Variants in SLC4A4 observed in about 807,000 individuals in gnomAD.
The protein encoded by SLC4A4 is electrogenic sodium bicarbonate cotransporter 1.
In SLC4A4, 27 loss-of-function variants were observed where a neutral mutation model predicts 111.5. The observed-to-expected ratio is 0.24, with a 90% CI of 0.18 to 0.33. The LOEUF is 0.33. SLC4A4 is among the 10% of genes least tolerant of loss of function. SLC4A4 has a pLI of 1.00. For synonymous variants in SLC4A4, 443 were observed against 463.4 expected (o/e 0.96, Z 0.57); for missense variants, 909 against 1,315.5 (o/e 0.69, Z 4.78).
intron 2 of SLC4A4, among the ~76,000 whole-genome samples, chr4:71,162,690 T>A (rs1744644042): frequency 6.6e-6 from 1 of 152,182 alleles, no homozygotes; most frequent in Non-Finnish European, 1.5e-5. Flanking sequence ...AAGAACATTT[T>A]ATCTTTGTGT....
At chr4:71,453,407 G>A in intron 11 of SLC4A4, 88 bp from the exon 12 acceptor site, 16 of 1,259,296 alleles carry the variant, frequency 1.3e-5, no homozygotes, top group Non-Finnish European at 1.9e-5. Flanking sequence ...TTTTAAATAT[G>A]TTGTGTTTGA....
At chr4:71,375,618 A>G (rs1190670795) in intron 6 of SLC4A4, among the ~76,000 whole-genome samples, 1 of 152,132 alleles carries the variant, frequency 6.6e-6, no homozygotes, top group Non-Finnish European at 1.5e-5. Context: ...TTGCACTATA[A>G]TGTATGAGTA....
At chr4:71,122,313 CAAAAAAAAAAA>C (rs10611413) in intron 2 of SLC4A4, among the ~76,000 whole-genome samples, 3 of 117,368 alleles carry the variant, frequency 2.6e-5, no homozygotes, top group African/African-American at 1.0e-4. Context: ...GACTCTGTCT[CAAAAAAAAAAA>C]AAAAAAAAAA....
At chr4:71,158,407 C>A (rs753052494) in intron 2 of SLC4A4, among the ~76,000 whole-genome samples, 10 of 152,206 alleles carry the variant, frequency 6.6e-5, no homozygotes, top group Middle Eastern at 6.8e-3. Flanking sequence ...CACCACTGAT[C>A]CTCTGCTCCC....
At chr4:71,197,427 A>T (rs1746058032) in intron 1 of SLC4A4, among the ~76,000 whole-genome samples, 1 of 152,200 alleles carries the variant, frequency 6.6e-6, no homozygotes, top group Admixed American at 6.5e-5. Context: ...ATATGACTGT[A>T]TTTGATCTGT....
chr4:71,511,333 C>T (rs1440331708), intron 16 of SLC4A4, among the ~76,000 whole-genome samples: 1 of 152,056 alleles, frequency 6.6e-6, no homozygotes, highest in African/African-American at 2.4e-5. Context: ...ATTTATTTGT[C>T]TGGGAAAGTA....
Position 71,546,521 on chromosome 4 carries a change from G to C in SLC4A4, c.2614G>C (p.Gly872Arg). The C allele has an allele frequency of 6.2e-7, 1 of 1,612,034 alleles. No homozygotes were observed. ...ACCTGGAGAACAACCAAAGTTTCTA[G>C]GAGTGAGGTGTGTTAACTCAGAGGA... ...SAPGEQPKFLGVREQRVTGTL... is the reference protein window; with the variant it reads ...SAPGEQPKFLRVREQRVTGTL... The change falls in exon 19 of 26, where the codon GGA becomes CGA. Residue 872 changes from glycine (G) to arginine (R), a missense_variant. Physicochemically the swap from Gly to Arg is moderately radical, Grantham distance 125 (BLOSUM62 -2). Coordinates refer to ENST00000264485, the MANE Select transcript of SLC4A4 (RefSeq NM_001098484.3).
At chr4:71,405,447 T>C (rs962773269) in intron 7 of SLC4A4, among the ~76,000 whole-genome samples, 11 of 152,172 alleles carry the variant, frequency 7.2e-5, no homozygotes, top group Non-Finnish European at 1.3e-4. Context: ...AAAGGCTATA[T>C]AGTATATATG....
At chr4:71,528,836 T>C (rs2149204965) in intron 16 of SLC4A4, among the ~76,000 whole-genome samples, 1 of 152,064 alleles carries the variant, frequency 6.6e-6, no homozygotes, top group South Asian at 2.1e-4. Flanking sequence ...AAACAGTATG[T>C]GAAAAATTCT....
chr4:71,476,285 T>C (rs989050893), intron 14 of SLC4A4, among the ~76,000 whole-genome samples: 1 of 151,810 alleles, frequency 6.6e-6, no homozygotes, highest in Non-Finnish European at 1.5e-5. Context: ...GATATCAAAC[T>C]GAAAGATGAT....
At chr4:71,247,294 A>G (rs1205493033) in intron 2 of SLC4A4, among the ~76,000 whole-genome samples, 1 of 148,238 alleles carries the variant, frequency 6.7e-6, no homozygotes, top group East Asian at 1.9e-4. Flanking sequence ...ATATAACCAT[A>G]TGTAATATTT....
chr4:71,205,741 A>G (rs1228163168), intron 1 of SLC4A4, among the ~76,000 whole-genome samples: 1 of 152,262 alleles, frequency 6.6e-6, no homozygotes, highest in African/African-American at 2.4e-5. Flanking sequence ...TGTCAGCTGC[A>G]AGACATCACC....
chr4:71,423,000 G>A (rs1175734652), intron 7 of SLC4A4, among the ~76,000 whole-genome samples: 1 of 152,116 alleles, frequency 6.6e-6, no homozygotes, highest in African/African-American at 2.4e-5. Context: ...CAATTAGGCA[G>A]GAGAAGGAAA....
chr4:71,470,382 T>C (rs1237395682), intron 13 of SLC4A4, among the ~76,000 whole-genome samples: 2 of 152,140 alleles, frequency 1.3e-5, no homozygotes, highest in South Asian at 4.2e-4. Flanking sequence ...CATGATTAGA[T>C]AAGAAGAGAA....
intron 2 of SLC4A4, among the ~76,000 whole-genome samples, chr4:71,181,727 T>C (rs1465459530): frequency 3.3e-5 from 5 of 152,218 alleles, no homozygotes; most frequent in African/African-American, 1.2e-4. Flanking sequence ...TCAAGTTGCC[T>C]TTACAATTTT....
chr4:71,361,590 T>C (rs776100167), intron 6 of SLC4A4, among the ~76,000 whole-genome samples: 5 of 152,244 alleles, frequency 3.3e-5, no homozygotes, highest in Admixed American at 3.3e-4. Flanking sequence ...TAGGTAATTC[T>C]GGTGTTGGAT....
chr4:71,489,220 C>T (rs1729684076), intron 15 of SLC4A4, among the ~76,000 whole-genome samples: 1 of 151,638 alleles, frequency 6.6e-6, no homozygotes, highest in Non-Finnish European at 1.5e-5. Context: ...ACTGACCTCC[C>T]AAAGACCATA....
intron 2 of SLC4A4, among the ~76,000 whole-genome samples, chr4:71,150,109 T>C (rs1744275261): frequency 6.6e-6 from 1 of 152,186 alleles, no homozygotes; most frequent in Non-Finnish European, 1.5e-5. Context: ...CCCTTGAATT[T>C]TATGACTGAA....
intron 7 of SLC4A4, among the ~76,000 whole-genome samples, chr4:71,426,886 A>C (rs1723192569): frequency 6.6e-6 from 1 of 152,088 alleles, no homozygotes. Flanking sequence ...ACAGCTGTAA[A>C]ATATGGTTGT....
Sources: gnomAD v4.1 joint callset for allele counts (sites outside exome capture counted in the v4.1 genomes callset) on GRCh38, gnomAD v4.1.1 for gene constraint, MANE v1.5 for transcripts, NCBI Gene and HGNC (gene_info 2026-07-23, HGNC 2026-07-21) for gene names.